Variants in SOX5 observed in about 807,000 individuals in gnomAD.
The protein encoded by SOX5 is SRY-box transcription factor 5.
In SOX5, 9 loss-of-function variants were observed where a neutral mutation model predicts 92.0. The ratio of observed to expected loss-of-function variants is 0.10; its 90% confidence interval spans 0.06 to 0.17. SOX5 has a LOEUF of 0.17. Among genes scored for constraint, SOX5 ranks in the 10% least tolerant of loss-of-function variants. The probability of loss-of-function intolerance (pLI) is 1.00; values close to 1 mark genes in which losing one functional copy is unlikely to be tolerated. For missense variants in SOX5, 642 were observed against 944.5 expected (o/e 0.68, Z 4.20); for synonymous variants, 344 against 336.3 (o/e 1.02, Z -0.25).
At chr12:24,389,606 C>T (rs1958786331) in intron 1 of SOX5, among the ~76,000 whole-genome samples, 1 of 152,156 alleles carries the variant, frequency 6.6e-6, no homozygotes, top group Non-Finnish European at 1.5e-5. Context: ...AGATATACCA[C>T]ATTTTATTTA....
chr12:23,766,642 T>C (rs2094735936), intron 3 of SOX5, among the ~76,000 whole-genome samples: 1 of 152,094 alleles, frequency 6.6e-6, no homozygotes, highest in Admixed American at 6.6e-5. Flanking sequence ...GAATTCTTCT[T>C]AGAAAGTTAA....
intron 7 of SOX5, among the ~76,000 whole-genome samples, chr12:23,642,414 G>A (rs2138775690): frequency 6.6e-6 from 1 of 152,310 alleles, no homozygotes; most frequent in South Asian, 2.1e-4. Flanking sequence ...AGTCTAATAT[G>A]TTAAAGACAG....
chr12:23,868,794 T>C (rs1595202594), intron 2 of SOX5, among the ~76,000 whole-genome samples: 1 of 152,148 alleles, frequency 6.6e-6, no homozygotes, highest in Non-Finnish European at 1.5e-5. Context: ...TTTTATTCAA[T>C]GTTTCCTAAA....
At chr12:24,210,676 A>C (rs944427398) in intron 4 of SOX5, among the ~76,000 whole-genome samples, 3 of 152,222 alleles carry the variant, frequency 2.0e-5, no homozygotes, top group African/African-American at 7.2e-5. Flanking sequence ...TTATAAAACA[A>C]TGTTATTATA....
At chr12:24,272,224 GAAAA>G (rs1431539191) in intron 3 of SOX5, among the ~76,000 whole-genome samples, 20 of 151,820 alleles carry the variant, frequency 1.3e-4, no homozygotes, top group African/African-American at 4.6e-4. Context: ...CCAGAAACTA[GAAAA>G]AATGATGCTG....
intron 2 of SOX5, among the ~76,000 whole-genome samples, chr12:24,293,942 A>G (rs1188228592): frequency 6.6e-5 from 10 of 152,224 alleles, no homozygotes; most frequent in Non-Finnish European, 2.9e-5. Flanking sequence ...ACTTGTCACA[A>G]AAGTAAATAG....
At chr12:23,949,758 C>T, upstream of SOX5, 1 of 779,506 alleles carries the variant, frequency 1.3e-6, no homozygotes, top group Non-Finnish European at 1.9e-6. Flanking sequence ...CTCTCCCTCT[C>T]TCTCTCTGTC....
chr12:24,100,627 A>G (rs1945977298), intron 4 of SOX5, among the ~76,000 whole-genome samples: 1 of 152,150 alleles, frequency 6.6e-6, no homozygotes, highest in Non-Finnish European at 1.5e-5. Flanking sequence ...CTTCTGATGA[A>G]CAAATTTATG....
intron 8 of SOX5, among the ~76,000 whole-genome samples, chr12:23,606,500 T>C (rs2075278580): frequency 6.6e-6 from 1 of 151,794 alleles, no homozygotes; most frequent in East Asian, 1.9e-4. Flanking sequence ...AACAAAACAG[T>C]TATTCAAAAT....
chr12:24,295,312 A>G (rs1039149405), intron 2 of SOX5, among the ~76,000 whole-genome samples: 2 of 152,104 alleles, frequency 1.3e-5, no homozygotes, highest in Non-Finnish European at 2.9e-5. Flanking sequence ...TTCTCCTTCA[A>G]TACCCTCTTG....
intron 3 of SOX5, among the ~76,000 whole-genome samples, chr12:23,824,255 T>G (rs997169434): frequency 2.6e-5 from 4 of 152,258 alleles, no homozygotes; most frequent in Admixed American, 1.3e-4. Flanking sequence ...TTTGTGGATT[T>G]ATGTACCTGT....
intron 1 of SOX5, among the ~76,000 whole-genome samples, chr12:24,385,924 C>CAAA (rs565354484): frequency 5.7e-5 from 1 of 17,620 alleles, no homozygotes; most frequent in Non-Finnish European, 1.2e-4. Context: ...AAGACCTTGT[C>CAAA]ACAAAAAAAA....
At chr12:24,307,968 T>C (rs1948783230) in intron 2 of SOX5, among the ~76,000 whole-genome samples, 1 of 151,892 alleles carries the variant, frequency 6.6e-6, no homozygotes, top group African/African-American at 2.4e-5. Flanking sequence ...TGTTACACTG[T>C]CTGTCTAAAA....
intron 4 of SOX5, among the ~76,000 whole-genome samples, chr12:24,012,587 C>G (rs148416779): frequency 6.6e-6 from 1 of 152,136 alleles, no homozygotes; most frequent in Non-Finnish European, 1.5e-5. Context: ...AAAACTGTAG[C>G]CTACAAATCT....
At chr12:24,390,462 G>A (rs1196264935) in intron 1 of SOX5, among the ~76,000 whole-genome samples, 3 of 152,130 alleles carry the variant, frequency 2.0e-5, no homozygotes, top group Admixed American at 6.6e-5. Context: ...TAGGGGGTAC[G>A]CATGCAGTTT....
At chr12:24,077,398 G>C (rs1297651450) in intron 4 of SOX5, among the ~76,000 whole-genome samples, 5 of 152,056 alleles carry the variant, frequency 3.3e-5, no homozygotes, top group African/African-American at 1.2e-4. Context: ...TCCAAAGGCT[G>C]CATCTTTAAT....
intron 4 of SOX5, among the ~76,000 whole-genome samples, chr12:23,996,748 A>G (rs192025133): frequency 2.6e-5 from 4 of 152,350 alleles, no homozygotes; most frequent in African/African-American, 9.6e-5. Flanking sequence ...GTATGATTCT[A>G]TTTATATGAA....
At chr12:23,969,485 C>T (rs950036942) in intron 4 of SOX5, among the ~76,000 whole-genome samples, 3 of 152,190 alleles carry the variant, frequency 2.0e-5, no homozygotes, top group South Asian at 2.1e-4. Flanking sequence ...ATTGCTACCA[C>T]GTGGCAGTTA....
chr12:24,371,336 A>AT (rs139864037), intron 1 of SOX5, among the ~76,000 whole-genome samples: 4 of 152,188 alleles, frequency 2.6e-5, no homozygotes, highest in Non-Finnish European at 5.9e-5. Context: ...TCGGAGACAG[A>AT]TTTTTCCCCC....
Sources: gnomAD v4.1 joint callset for allele counts (sites outside exome capture counted in the v4.1 genomes callset) on GRCh38, gnomAD v4.1.1 for gene constraint, MANE v1.5 for transcripts, NCBI Gene and HGNC (gene_info 2026-07-23, HGNC 2026-07-21) for gene names.